NLRP14: variants seen among roughly 807,000 people sequenced by gnomAD.
NLRP14 encodes the protein NACHT, LRR and PYD domains-containing protein 14.
In NLRP14, 105 loss-of-function variants were observed where a neutral mutation model predicts 94.7. That is an observed-to-expected ratio of 1.11 (90% CI 0.95 to 1.30). The LOEUF (loss-of-function observed/expected upper bound fraction) is 1.30. Among genes scored for constraint, NLRP14 ranks in the 50% most tolerant of loss-of-function variants. The probability of loss-of-function intolerance (pLI) is 0.00; values close to 1 mark genes in which losing one functional copy is unlikely to be tolerated. For synonymous variants in NLRP14, 508 were observed against 459.9 expected, an observed-to-expected ratio of 1.10 and a Z score of -1.34; for missense variants, 1,362 against 1,254.1, an observed-to-expected ratio of 1.09 and a Z score of -1.30.
chr11:7,043,572 C>A lies in NLRP14; in HGVS notation c.1546C>A (p.Gln516Lys), dbSNP rs752394132. ...TTTTGAAGATTTGAAGTCATTACTT[C>A]AAAGCACAAGTTATAAAGACCCCCA... ...QPFEDLKSLLQSTSYKDPHLT... is the reference protein window; with the variant it reads ...QPFEDLKSLLKSTSYKDPHLT... The change falls in exon 4 of 12, where the codon CAA becomes AAA. Residue 516 changes from glutamine (Q) to lysine (K), a missense_variant. Transcript: ENST00000299481. The A allele has an allele frequency of 6.2e-7, 1 of 1,614,040 alleles. No individual in the cohort carries two copies. The highest frequency in any genetic ancestry group is 1.3e-5 in the African/African-American group (1 of 74,928).
At chr11:7,061,304 T>A (rs1442608553) in intron 9 of NLRP14, among the ~76,000 whole-genome samples, 1 of 152,138 alleles carries the variant, frequency 6.6e-6, no homozygotes, top group Non-Finnish European at 1.5e-5. Context: ...ATTATTCAAC[T>A]GGAAGACAAA....
At chr11:7,026,939 T>C (rs948295736) in intron 1 of NLRP14, among the ~76,000 whole-genome samples, 2 of 151,826 alleles carry the variant, frequency 1.3e-5, no homozygotes, top group Admixed American at 1.3e-4. Flanking sequence ...TATGCACATA[T>C]ACCCTAAAAC....
At chr11:7,078,713 G>A in the NLRP14 span, among the ~76,000 whole-genome samples, 20 of 152,014 alleles carry the variant, frequency 1.3e-4, no homozygotes, top group East Asian at 5.8e-4. Flanking sequence ...GCTTGAACCC[G>A]GGAGGCAGAG....
At position 7,043,609 on chromosome 11, in the gene NLRP14, T is replaced by C; in HGVS notation, c.1583T>C (p.Met528Thr). 1 of 1,614,174 alleles carries C rather than the reference T, an allele frequency of 6.2e-7. No homozygotes were observed. The highest frequency in any genetic ancestry group is 8.5e-7 in the Non-Finnish European group (1 of 1,180,026). The change falls in exon 4 of 12, where the codon ATG (methionine) becomes ACG (threonine). Residue 528 changes from methionine (M) to threonine (T), a missense_variant. Coordinates refer to ENST00000299481, the MANE Select transcript of NLRP14 (RefSeq NM_176822.4). ...TATAAAGACCCCCATTTGACACAGA[T>C]GAAGTGCTTTTTGTTTGGCCTTTTG... Reference protein sequence around the residue: ...TSYKDPHLTQMKCFLFGLLNE... With the variant: ...TSYKDPHLTQTKCFLFGLLNE...
chr11:7,048,734 A>C (rs1852396812), intron 5 of NLRP14, among the ~76,000 whole-genome samples: 1 of 152,136 alleles, frequency 6.6e-6, no homozygotes, highest in Non-Finnish European at 1.5e-5. Context: ...GGATGTCATC[A>C]ATCCGGATCT....
At chr11:7,047,729 A>AT (rs999587927) in intron 5 of NLRP14, among the ~76,000 whole-genome samples, 7 of 135,518 alleles carry the variant, frequency 5.2e-5, no homozygotes, top group African/African-American at 1.3e-4. Context: ...TACAGTATGT[A>AT]TTTTTTTTAA....
chr11:7,022,253 C>T (rs1296089237), intron 1 of NLRP14, among the ~76,000 whole-genome samples: 1 of 152,026 alleles, frequency 6.6e-6, no homozygotes, highest in Non-Finnish European at 1.5e-5. Context: ...GTGCAGAGAC[C>T]CAAAGCACCA....
intron 3 of NLRP14, among the ~76,000 whole-genome samples, chr11:7,042,119 A>T (rs1031226184): frequency 1.3e-5 from 2 of 151,868 alleles, no homozygotes; most frequent in African/African-American, 4.8e-5. Context: ...AATATTTCTA[A>T]AGTGAATCCA....
At position 7,065,620 on chromosome 11, in the gene NLRP14, T is replaced by G. The variant is rs576592681; in HGVS notation, c.2975+3117T>G. 3.3e-5 allele frequency among the ~76,000 whole-genome samples: 5 copies of G among 152,234 alleles called. No individual in the cohort carries two copies. The South Asian group carries it at 8.3e-4, about 25-fold the overall frequency. ...GGGATAATGAACTTTCATATGTTGT[T>G]CACAATGTTTGAAGCACAACTTCAG... On this transcript the variant is annotated intron_variant, in intron 10 of 11. Transcript: ENST00000299481.
chr11:7,028,819 T>A (rs571206295), intron 1 of NLRP14, among the ~76,000 whole-genome samples: 21 of 152,172 alleles, frequency 1.4e-4, no homozygotes, highest in Non-Finnish European at 2.1e-4. Context: ...TTCACTGCTT[T>A]AGGTACTGAG....
Position 7,060,052 on chromosome 11 carries a change from T to C in NLRP14, c.2792T>C (p.Leu931Pro). Residue 931 changes from leucine to proline, a missense_variant, in exon 9 of 12, where the codon CTT becomes CCT. Leu to Pro is a moderately conservative substitution (Grantham distance 98). Coordinates refer to ENST00000299481, the MANE Select transcript of NLRP14 (RefSeq NM_176822.4). ...GTCTTTCGGCATCCAAGCTGTAATC[T>C]TCAGGACTTGGAGTAGGTTTTCTGT... ...CDVFRHPSCN[L>P]QDLELMGCVL... 2 of 1,612,514 alleles carry C rather than the reference T, an allele frequency of 1.2e-6. No homozygotes were observed. Among genetic ancestry groups the C allele is most frequent in the Non-Finnish European group, 1.7e-6 (2 of 1,178,762 alleles).
At chr11:7,031,053 C>T (rs890458449) in intron 1 of NLRP14, among the ~76,000 whole-genome samples, 5 of 152,196 alleles carry the variant, frequency 3.3e-5, no homozygotes, top group African/African-American at 1.2e-4. Flanking sequence ...TGGCCCGCAG[C>T]CCTCTTAGCG....
chr11:7,027,848 G>T (rs1852036273), intron 1 of NLRP14, among the ~76,000 whole-genome samples: 1 of 152,122 alleles, frequency 6.6e-6, no homozygotes, highest in Non-Finnish European at 1.5e-5. Context: ...CAAGCATTTG[G>T]TACAATTAAT....
At chr11:7,055,606 C>G (rs1678900183) in intron 6 of NLRP14, among the ~76,000 whole-genome samples, 1 of 151,952 alleles carries the variant, frequency 6.6e-6, no homozygotes, top group South Asian at 2.1e-4. Context: ...TGTTTGCTAG[C>G]AGGACAGGAG....
downstream of NLRP14, among the ~76,000 whole-genome samples, chr11:7,075,915 G>T (rs564883777): frequency 2.7e-4 from 41 of 152,226 alleles, 2 homozygotes; most frequent in South Asian, 8.1e-3. Context: ...AGTTATGTTC[G>T]AAGGCAGGTC....
In NLRP14 at chr11:7,071,422, T is replaced by G; in HGVS notation, c.*114T>G. 1.4e-5 allele frequency: 11 copies of G among 786,772 alleles called. No individual in the cohort carries two copies. The highest frequency in any genetic ancestry group is 2.3e-5 in the Non-Finnish European group (11 of 471,612). 48.7% of individuals were successfully genotyped at this position (786,772 alleles called of 1,614,324 possible). A position where few individuals can be genotyped will look rare whatever the true frequency, so the allele number is the denominator to read the frequency against. Reference sequence around the variant, plus strand: ...TACTCTATGCCCAGAGATAGTGCACTTGGCAGCTGTCAGATACCATTCATC... The same window carrying G: ...TACTCTATGCCCAGAGATAGTGCACGTGGCAGCTGTCAGATACCATTCATC... On this transcript the variant is annotated 3_prime_UTR_variant, in exon 12 of 12. Transcript: ENST00000299481.
chr11:7,049,300 A>G (rs964859849), intron 5 of NLRP14, among the ~76,000 whole-genome samples: 2 of 152,218 alleles, frequency 1.3e-5, no homozygotes, highest in Non-Finnish European at 2.9e-5. Flanking sequence ...ACTGCACATC[A>G]GACAGTTGAT....
chr11:7,078,255 G>T, the NLRP14 span, among the ~76,000 whole-genome samples: 1 of 150,904 alleles, frequency 6.6e-6, no homozygotes, highest in Non-Finnish European at 1.5e-5. Context: ...TGGCTAACAT[G>T]GCAAAACCCC....
chr11:7,084,471 C>T, the NLRP14 span, among the ~76,000 whole-genome samples: 1 of 152,038 alleles, frequency 6.6e-6, no homozygotes, highest in Non-Finnish European at 1.5e-5. Flanking sequence ...CCTCACACCC[C>T]GTCCTCCAGG....
Sources: allele counts gnomAD v4.1 joint callset (sites outside exome capture counted in the v4.1 genomes callset), GRCh38; gene constraint gnomAD v4.1.1; transcripts MANE v1.5; gene names NCBI Gene and HGNC (gene_info 2026-07-23, HGNC 2026-07-21).